The following SGSM1 variants were observed in gnomAD, a reference collection of about 807,000 sequenced individuals.
SGSM1 encodes the protein small G protein signaling modulator 1, also known as RUN and TBC1 domain containing 2.
A neutral mutation model predicts 133.8 loss-of-function variants in SGSM1; 73 were observed. The ratio of observed to expected loss-of-function variants is 0.55; its 90% CI spans 0.45 to 0.66. The LOEUF (loss-of-function observed/expected upper bound fraction) is 0.66, where lower values mean the gene tolerates loss of function less well. Among genes scored for constraint, SGSM1 ranks in the 30% least tolerant of loss-of-function variants. SGSM1 has a pLI of 0.00. For missense variants in SGSM1, 1,213 were observed against 1,448.1 expected, an observed-to-expected ratio of 0.84 and a Z score of 2.64; for synonymous variants, 563 against 573.0, an observed-to-expected ratio of 0.98 and a Z score of 0.25.
Position 24,898,579 on chromosome 22 carries a change from CGTTCCA to C in SGSM1, c.2610+21_2610+26del, listed in dbSNP as rs1569169698. On this transcript the variant is annotated intron_variant, in intron 19 of 24. Transcript: ENST00000400358. ...TACTCTGTAAGTCACCAGGACCCTCCGTTCCATTTCCTTCTTTCCAGCTGCAGGAGG... is the reference window on the plus strand; with the variant it reads ...TACTCTGTAAGTCACCAGGACCCTCCTTTCCTTCTTTCCAGCTGCAGGAGG... 8 of 1,563,858 alleles carry C rather than the reference CGTTCCA, an allele frequency of 5.1e-6. No individual in the cohort carries two copies. Among genetic ancestry groups the C allele is most frequent in the Non-Finnish European group, 6.9e-6 (8 of 1,153,096 alleles).
chr22:24,845,970 TTTC>T (rs1930106965), intron 3 of SGSM1, among the ~76,000 whole-genome samples: 1 of 143,878 alleles, frequency 7.0e-6, no homozygotes, highest in Admixed American at 7.0e-5. Flanking sequence ...TCTTTCTTTC[TTTC>T]TTTCTTTCTT....
rs1295263144 is a variant in SGSM1, at chr22:24,900,366, T to C, written c.2611-1467T>C. Among the ~76,000 whole-genome samples the C allele has an allele frequency of 1.0e-3, 72 of 71,378 alleles. 1 individual carries two copies. Among genetic ancestry groups the C allele is most frequent in the African/African-American group, 3.6e-3 (68 of 18,982 alleles). The allele number at this position is 71,378 out of a possible 152,430, so 46.8% of individuals were successfully genotyped here. On this transcript the variant is annotated intron_variant, in intron 19 of 24. Transcript: ENST00000400358. ...TTCTTTCTTTCTTTCTTTCTTTCTT[T>C]CTTTCTTTCTTTCTTTCTTTCTTTC... is the stretch of plus-strand genomic sequence containing the variant.
At chr22:24,829,852 A>G (rs957717010) in intron 2 of SGSM1, among the ~76,000 whole-genome samples, 4 of 152,202 alleles carry the variant, frequency 2.6e-5, no homozygotes, top group African/African-American at 9.6e-5. Context: ...CACACAGGCC[A>G]CAGTGATCCC....
chr22:24,855,901 C>G, intron 8 of SGSM1: 1 of 720,714 alleles, frequency 1.4e-6, no homozygotes, highest in Middle Eastern at 2.3e-4. Context: ...ATCCATCCAC[C>G]CATTGTCACA....
At chr22:24,917,532 TAAAC>T in intron 22 of SGSM1, 122 bp from the exon 23 acceptor site, 1 of 575,648 alleles carries the variant, frequency 1.7e-6, no homozygotes, top group Non-Finnish European at 3.0e-6. Flanking sequence ...TCCCATTTTT[TAAAC>T]TGTAACTGGC....
In SGSM1 at chr22:24,924,408, A is replaced by G; in HGVS notation, c.*134A>G. On this transcript the variant is annotated 3_prime_UTR_variant, in exon 25 of 25. Transcript: ENST00000400358. ...TCACAAGCGTGGAGTTCAGTGCGCA[A>G]AGAAACTACCCTGACTTTTACTTCT... 1 of 699,304 alleles carries G rather than the reference A, an allele frequency of 1.4e-6. No homozygotes were observed. The highest frequency in any genetic ancestry group is 2.5e-6 in the Non-Finnish European group (1 of 398,016). The allele number at this position is 699,304 out of a possible 1,614,324, so 43.3% of individuals were successfully genotyped here. A position where few individuals can be genotyped will look rare whatever the true frequency, so the allele number is the denominator to read the frequency against.
At chr22:24,857,247 CAAA>C (rs139694) in intron 8 of SGSM1, among the ~76,000 whole-genome samples, 1 of 111,984 alleles carries the variant, frequency 8.9e-6, no homozygotes, top group Non-Finnish European at 2.0e-5. Flanking sequence ...ACTAAAAATA[CAAA>C]AAAAAAAAAA....
Position 24,868,712 on chromosome 22 carries a change from T to C in SGSM1, c.1159-11T>C, listed in dbSNP as rs2147874815. 1 of 1,613,634 alleles carries C rather than the reference T, an allele frequency of 6.2e-7. No homozygotes were observed. Among genetic ancestry groups the C allele is most frequent in the Non-Finnish European group, 8.5e-7 (1 of 1,179,644 alleles). The stretch of plus-strand genomic sequence containing the variant: ...GTCCCAAGGACCTTGTTTTGGGACA[T>C]GTTTTTGCAGGGCAAAGTGTTTCCT... On this transcript the variant is annotated splice_polypyrimidine_tract_variant and intron_variant, in intron 11 of 24. Coordinates refer to ENST00000400358, the MANE Select transcript of SGSM1 (RefSeq NM_001098497.3).
At chr22:24,911,583 A>G (rs1253374345) in intron 21 of SGSM1, among the ~76,000 whole-genome samples, 2 of 152,168 alleles carry the variant, frequency 1.3e-5, no homozygotes, top group Non-Finnish European at 2.9e-5. Flanking sequence ...GGCCAACATC[A>G]GCAGTCATAA....
At chr22:24,837,560 T>TC (rs1929507346) in intron 2 of SGSM1, among the ~76,000 whole-genome samples, 1 of 120,632 alleles carries the variant, frequency 8.3e-6, no homozygotes, top group Non-Finnish European at 1.7e-5. Context: ...TTCTCTAAAC[T>TC]CCCCCGGGGA....
At chr22:24,848,131 G>GGTTT (rs958497867) in intron 4 of SGSM1, among the ~76,000 whole-genome samples, 52 of 151,840 alleles carry the variant, frequency 3.4e-4, no homozygotes, top group Middle Eastern at 3.4e-3. Context: ...ATTCATGTCA[G>GGTTT]GTTTGTTTGT....
chr22:24,902,349 A>C (rs547380934), intron 20 of SGSM1, among the ~76,000 whole-genome samples: 94 of 152,244 alleles, frequency 6.2e-4, no homozygotes, highest in Middle Eastern at 3.4e-3. Flanking sequence ...CTTTAAGCCA[A>C]GATCTACGAC....
At chr22:24,900,415 T>TTTCTTTC (rs1933112607) in intron 19 of SGSM1, among the ~76,000 whole-genome samples, 1 of 125,872 alleles carries the variant, frequency 7.9e-6, no homozygotes, top group African/African-American at 3.9e-5. Flanking sequence ...TTCTGTATTT[T>TTTCTTTC]TGAGACAGAG....
At chr22:24,816,462 C>A (rs1601884919) in intron 2 of SGSM1, among the ~76,000 whole-genome samples, 1 of 130,068 alleles carries the variant, frequency 7.7e-6, no homozygotes, top group Middle Eastern at 6.0e-3. Flanking sequence ...GTTGCCTAGG[C>A]TGGAGTGCAG....
Position 24,867,117 on chromosome 22 carries a change from C to T in SGSM1, c.951C>T (p.Thr317=), listed in dbSNP as rs528766212. The T allele has an allele frequency of 1.3e-4, 210 of 1,613,860 alleles. 3 individuals carry two copies. The South Asian group carries it at 1.8e-3, about 14-fold the overall frequency. ...EKSVYWDYAM[T]IRLEEIVYLH... is the part of the protein sequence containing the mutation. ...GCGTCTACTGGGACTATGCCATGAC[C>T]ATCCGCTTGGAGGAGATTGTCTACC... The change falls in exon 10 of 25, where the codon ACC becomes ACT. Residue 317 remains threonine (T), a synonymous_variant. Transcript: ENST00000400358.
At chr22:24,877,850 G>C (rs180867800) in intron 13 of SGSM1, among the ~76,000 whole-genome samples, 2 of 109,962 alleles carry the variant, frequency 1.8e-5, no homozygotes, top group African/African-American at 3.5e-5. Context: ...TCTTTCTGTC[G>C]CCCAGGCTGG....
chr22:24,915,530 GTGATTTATAATTTTTTT>G (rs1933792686), intron 22 of SGSM1, among the ~76,000 whole-genome samples: 1 of 151,810 alleles, frequency 6.6e-6, no homozygotes, highest in Non-Finnish European at 1.5e-5. Context: ...GCATCCCATT[GTGATTTATAATTTTTTT>G]TATTTTTAAT....
chr22:24,897,196 A>G (rs544729762), intron 18 of SGSM1, among the ~76,000 whole-genome samples: 32 of 151,992 alleles, frequency 2.1e-4, no homozygotes, highest in African/African-American at 5.1e-4. Flanking sequence ...CCTGGCCAAC[A>G]TGGTGAAACC....
At chr22:24,837,475 C>T (rs1385024534) in intron 2 of SGSM1, among the ~76,000 whole-genome samples, 4 of 151,936 alleles carry the variant, frequency 2.6e-5, no homozygotes, top group Admixed American at 1.3e-4. Context: ...CACAGGGAGA[C>T]GGTTAGGCCT....
Sources: allele counts gnomAD v4.1 joint callset (sites outside exome capture counted in the v4.1 genomes callset), GRCh38; gene constraint gnomAD v4.1.1; transcripts MANE v1.5; gene names NCBI Gene and HGNC (gene_info 2026-07-23, HGNC 2026-07-21).